HBS1L: variants seen among roughly 807,000 people sequenced by gnomAD.
The protein encoded by HBS1L is HBS1 like translational GTPase, also known as HBS1-like protein.
Under a neutral mutation model 88.9 loss-of-function variants are expected in HBS1L, and 55 were observed. The ratio of observed to expected loss-of-function variants is 0.62; its 90% CI spans 0.50 to 0.77. HBS1L has a LOEUF of 0.77. Among genes scored for constraint, HBS1L ranks in the 30% least tolerant of loss-of-function variants. The pLI, the probability that HBS1L is intolerant of heterozygous loss-of-function variation, is 0.00. For synonymous variants in HBS1L, 267 were observed against 288.5 expected, an observed-to-expected ratio of 0.93 and a Z score of 0.76; for missense variants, 741 against 829.3, an observed-to-expected ratio of 0.89 and a Z score of 1.31.
At chr6:135,044,674 A>G (rs531565020) in intron 2 of HBS1L, among the ~76,000 whole-genome samples, 1 of 152,318 alleles carries the variant, frequency 6.6e-6, no homozygotes, top group African/African-American at 2.4e-5. Context: ...ATTTAATAAA[A>G]TGTGGCATAA....
At chr6:134,996,171 C>A (rs1428678009) in intron 7 of HBS1L, among the ~76,000 whole-genome samples, 1 of 152,140 alleles carries the variant, frequency 6.6e-6, no homozygotes, top group Non-Finnish European at 1.5e-5. Flanking sequence ...CTAACATGAT[C>A]TATACTGACA....
intron 15 of HBS1L, among the ~76,000 whole-genome samples, chr6:134,971,328 A>G (rs961121896): frequency 4.6e-5 from 7 of 152,202 alleles, no homozygotes; most frequent in African/African-American, 1.7e-4. Flanking sequence ...TAACATAAAT[A>G]TAAGTCTAAA....
At chr6:135,008,060 A>G (rs1583104839) in intron 4 of HBS1L, among the ~76,000 whole-genome samples, 1 of 152,212 alleles carries the variant, frequency 6.6e-6, no homozygotes. Flanking sequence ...CTTTAAATCA[A>G]CTAGCCCACT....
At chr6:135,037,676 C>G (rs751963981) in intron 4 of HBS1L, 18 of 1,550,476 alleles carry the variant, frequency 1.2e-5, no homozygotes, top group Non-Finnish European at 1.6e-5. Context: ...CTCAACAAAT[C>G]GGCATCTAGG....
chr6:135,016,747 A>ATCATATATT lies in HBS1L; in HGVS notation c.431-13906_431-13905insAATATATGA, dbSNP rs751672126. ...ACTAAACTAAGAGTTCCAGAAGTTTATTTTATGATATATTTTACAATATCC... is the reference window on the plus strand; with the variant it reads ...ACTAAACTAAGAGTTCCAGAAGTTTATCATATATTTTTTATGATATATTTTACAATATCC... On this transcript the variant is annotated intron_variant, in intron 4 of 17. Transcript: ENST00000367837. Among the ~76,000 whole-genome samples the ATCATATATT allele has an allele frequency of 6.7e-3, 1,021 of 152,346 alleles. 8 individuals carry two copies. Among genetic ancestry groups the ATCATATATT allele is most frequent in the African/African-American group, 0.02 (849 of 41,576 alleles).
At chr6:135,046,520 C>T (rs1229403635) in intron 2 of HBS1L, among the ~76,000 whole-genome samples, 1 of 152,092 alleles carries the variant, frequency 6.6e-6, no homozygotes, top group African/African-American at 2.4e-5. Flanking sequence ...AGGTTCAATA[C>T]TCAGTATCAA....
At chr6:135,045,698 G>A (rs993436450) in intron 2 of HBS1L, among the ~76,000 whole-genome samples, 1 of 152,138 alleles carries the variant, frequency 6.6e-6, no homozygotes. Context: ...AGCTAGGCGT[G>A]GTGGCGGGCG....
chr6:135,017,588 G>A (rs1282873769), intron 4 of HBS1L, among the ~76,000 whole-genome samples: 1 of 151,834 alleles, frequency 6.6e-6, no homozygotes, highest in Non-Finnish European at 1.5e-5. Context: ...GAATCAAATT[G>A]AAATCTAAAA....
intron 8 of HBS1L, among the ~76,000 whole-genome samples, chr6:134,988,004 A>G (rs201239613): frequency 1.1e-4 from 17 of 152,196 alleles, no homozygotes; most frequent in Non-Finnish European, 2.2e-4. Flanking sequence ...AAAAAAGTCC[A>G]CACTTGATTA....
At chr6:135,012,651 T>G (rs1775808730) in intron 4 of HBS1L, among the ~76,000 whole-genome samples, 1 of 152,126 alleles carries the variant, frequency 6.6e-6, no homozygotes. Context: ...CCCCTCAAGA[T>G]CCACCTCTTC....
chr6:135,009,636 A>G (rs1015375499), intron 4 of HBS1L, among the ~76,000 whole-genome samples: 11 of 152,118 alleles, frequency 7.2e-5, no homozygotes, highest in Non-Finnish European at 1.2e-4. Context: ...GTAGTATTAC[A>G]TATTCTTTTT....
chr6:134,991,419 C>A (rs968478671), intron 8 of HBS1L, among the ~76,000 whole-genome samples: 6 of 152,078 alleles, frequency 3.9e-5, no homozygotes, highest in African/African-American at 1.4e-4. Flanking sequence ...TTTGTCCCCC[C>A]CAAATATTCC....
At chr6:135,053,037 ATGAACCT>A (rs1409211260) in intron 1 of HBS1L, among the ~76,000 whole-genome samples, 1 of 152,234 alleles carries the variant, frequency 6.6e-6, no homozygotes, top group Non-Finnish European at 1.5e-5. Flanking sequence ...AGAAAAGGGG[ATGAACCT>A]CCTTAATGTT....
intron 16 of HBS1L, among the ~76,000 whole-genome samples, chr6:134,967,903 G>A (rs1471442882): frequency 1.3e-5 from 2 of 152,092 alleles, no homozygotes; most frequent in African/African-American, 2.4e-5. Flanking sequence ...TAGTTATATC[G>A]TGTTTCTCAG....
intron 1 of HBS1L, among the ~76,000 whole-genome samples, chr6:135,053,567 A>G (rs1308708523): frequency 1.3e-5 from 2 of 152,220 alleles, no homozygotes; most frequent in Non-Finnish European, 2.9e-5. Flanking sequence ...CCTCCATTCT[A>G]AAGTAACCAC....
chr6:135,002,071 T>C (rs924674930), intron 5 of HBS1L, among the ~76,000 whole-genome samples: 5 of 80,232 alleles, frequency 6.2e-5, no homozygotes, highest in Admixed American at 1.3e-4. Flanking sequence ...TAAGTAACAA[T>C]TGAAAATTCT....
In HBS1L at chr6:134,967,992, G is replaced by C. The variant is rs919923561; in HGVS notation, c.1898+1246C>G. On this transcript the variant is annotated intron_variant, in intron 16 of 17. Coordinates refer to ENST00000367837, the MANE Select transcript of HBS1L (RefSeq NM_006620.4). ...GATCTACCTTTAGGAGAGAGGTAAA[G>C]TAGCCCTTCCTCCTAACAGAGAAAC... is the stretch of plus-strand genomic sequence containing the variant. 1.4e-4 allele frequency among the ~76,000 whole-genome samples: 22 copies of C among 152,300 alleles called. 1 individual carries two copies. The highest frequency in any genetic ancestry group is 1.0e-4 in the Non-Finnish European group (7 of 68,026).
At chr6:135,007,793 T>G (rs940683699) in intron 4 of HBS1L, among the ~76,000 whole-genome samples, 2 of 152,216 alleles carry the variant, frequency 1.3e-5, no homozygotes, top group African/African-American at 4.8e-5. Context: ...AACTGGAAAT[T>G]CATTCACCAT....
At chr6:135,019,160 G>A (rs774847869) in intron 4 of HBS1L, among the ~76,000 whole-genome samples, 11 of 151,808 alleles carry the variant, frequency 7.2e-5, no homozygotes, top group Non-Finnish European at 1.3e-4. Flanking sequence ...AGGAAACTGT[G>A]GCATAGTGTT....
Sources: allele counts gnomAD v4.1 joint callset (sites outside exome capture counted in the v4.1 genomes callset), GRCh38; gene constraint gnomAD v4.1.1; transcripts MANE v1.5; gene names NCBI Gene and HGNC (gene_info 2026-07-23, HGNC 2026-07-21).